ERICH1: variants seen among roughly 807,000 people sequenced by gnomAD.
ERICH1 encodes glutamate rich 1.
Under a neutral mutation model 39.6 loss-of-function variants are expected in ERICH1, and 56 were observed. That is an observed-to-expected ratio of 1.41 (90% CI 1.14 to 1.77). ERICH1 has a LOEUF of 1.77. ERICH1 is among the 40% of genes most tolerant of loss of function. The pLI is 0.00. For synonymous variants in ERICH1, 313 were observed against 223.6 expected (o/e 1.40, Z -3.57); for missense variants, 826 against 575.4 (o/e 1.44, Z -4.45).
Position 700,461 on chromosome 8 carries a change from G to C in ERICH1, c.170-7849C>G, listed in dbSNP as rs1312671651. ...CCCTCACAGGCCACAGACCCGCACA[G>C]GCGCACAGACCCGCACAGGCGCACA... On this transcript the variant is annotated intron_variant, in intron 2 of 5. Transcript: ENST00000262109. 1.5e-3 allele frequency among the ~76,000 whole-genome samples: 61 copies of C among 39,516 alleles called. 9 individuals are homozygous for C. The highest frequency in any genetic ancestry group is 2.4e-3 in the South Asian group (3 of 1,236). 25.9% of individuals were successfully genotyped at this position (39,516 alleles called of 152,430 possible).
intron 1 of ERICH1, among the ~76,000 whole-genome samples, chr8:722,925 T>C (rs959150747): frequency 3.3e-5 from 5 of 152,212 alleles, no homozygotes; most frequent in Admixed American, 6.5e-5. Flanking sequence ...GACTTTACAA[T>C]GTAAAGCCAC....
intron 1 of ERICH1, among the ~76,000 whole-genome samples, chr8:721,860 G>C (rs575658646): frequency 3.9e-5 from 6 of 152,286 alleles, no homozygotes; most frequent in East Asian, 1.9e-4. Context: ...TTTTACCTAA[G>C]TGTGTGTACG....
At chr8:680,959 G>A (rs75394517) in intron 3 of ERICH1, among the ~76,000 whole-genome samples, 2,734 of 152,318 alleles carry the variant, frequency 0.018, 30 homozygotes, top group Middle Eastern at 0.034. Context: ...TGGTGGTGAC[G>A]GACACATTCA....
chr8:628,378 C>T (rs1797722461), intron 3 of ERICH1, among the ~76,000 whole-genome samples: 1 of 152,196 alleles, frequency 6.6e-6, no homozygotes, highest in Non-Finnish European at 1.5e-5. Context: ...AACTTTTGGC[C>T]TCTTGAGAGT....
At chr8:673,020 G>A (rs1313665364) in intron 4 of ERICH1, among the ~76,000 whole-genome samples, 1 of 152,248 alleles carries the variant, frequency 6.6e-6, no homozygotes, top group Non-Finnish European at 1.5e-5. Context: ...TGGCACAGCT[G>A]GCCAGGGCCA....
chr8:704,818 G>T (rs551323149), intron 2 of ERICH1, among the ~76,000 whole-genome samples: 15 of 152,272 alleles, frequency 9.9e-5, no homozygotes, highest in Middle Eastern at 6.8e-3. Flanking sequence ...ACTCTGAAAG[G>T]GGGGGTGGTT....
chr8:665,106 C>G (rs1369207268), intron 5 of ERICH1, among the ~76,000 whole-genome samples: 1 of 152,222 alleles, frequency 6.6e-6, no homozygotes, highest in Non-Finnish European at 1.5e-5. Context: ...AACACAGGAC[C>G]ATGTGGTGCC....
intron 3 of ERICH1, among the ~76,000 whole-genome samples, chr8:687,412 C>T (rs1423223859): frequency 6.6e-6 from 1 of 152,258 alleles, no homozygotes; most frequent in Non-Finnish European, 1.5e-5. Flanking sequence ...AAAAAGCCGG[C>T]AACGCTCACG....
chr8:711,811 G>A (rs562766467), intron 2 of ERICH1, among the ~76,000 whole-genome samples: 30 of 152,242 alleles, frequency 2.0e-4, no homozygotes, highest in African/African-American at 7.2e-4. Context: ...TCCATTTTTA[G>A]TAAGATTTTT....
At chr8:641,235 T>C (rs150045042) in intron 3 of ERICH1, 155 of 152,316 alleles carry the variant, frequency 1.0e-3, no homozygotes, top group African/African-American at 3.7e-3. Flanking sequence ...TTTACAAATT[T>C]CCTTAATTCT....
chr8:673,883 T>C lies in ERICH1; in HGVS notation c.469A>G (p.Ile157Val), dbSNP rs376661771. ...AGTTTCCTTTTTTTATTTTTGCTTA[T>C]TGTGGTGCCATCTGTGTGCTGTCGC... ...SQRQHTDGTTISKNKKRKLKK... is the reference protein window; with the variant it reads ...SQRQHTDGTTVSKNKKRKLKK... The change falls in exon 4 of 6, where the codon ATA becomes GTA. Residue 157 changes from isoleucine (I) to valine (V), a missense_variant. Transcript: ENST00000262109. The C allele has an allele frequency of 8.7e-6, 14 of 1,613,560 alleles. No homozygotes were observed. In the Middle Eastern group the frequency reaches 4.9e-4, roughly 57 times the overall value.
chr8:700,577 G>A, intron 2 of ERICH1, among the ~76,000 whole-genome samples: 1 of 127,006 alleles, frequency 7.9e-6, no homozygotes, highest in African/African-American at 2.7e-5. Context: ...CAGGCGCACA[G>A]ACCCGCACAC....
chr8:682,539 G>A (rs1806365794), intron 3 of ERICH1, among the ~76,000 whole-genome samples: 2 of 152,184 alleles, frequency 1.3e-5, no homozygotes, highest in Non-Finnish European at 2.9e-5. Flanking sequence ...AGGGCATGTG[G>A]GAGGTCTACG....
At chr8:620,782 A>G (rs1255338082) in intron 3 of ERICH1, among the ~76,000 whole-genome samples, 1 of 152,182 alleles carries the variant, frequency 6.6e-6, no homozygotes, top group Admixed American at 6.5e-5. Context: ...CAAAATATAT[A>G]AAGCAAACTG....
chr8:698,364 G>A (rs560877670), intron 2 of ERICH1, among the ~76,000 whole-genome samples: 2 of 152,088 alleles, frequency 1.3e-5, no homozygotes, highest in African/African-American at 4.8e-5. Flanking sequence ...GACTACAGGT[G>A]TGCACCACCA....
Position 618,661 on chromosome 8 carries a change from G to A in ERICH1, c.977-3377C>T, listed in dbSNP as rs146780047. Among the ~76,000 whole-genome samples, 259 of 152,296 alleles carry A rather than the reference G, an allele frequency of 1.7e-3. 1 individual carries two copies. The highest frequency in any genetic ancestry group is 4.4e-3 in the Admixed American group (68 of 15,300). On this transcript the variant is annotated intron_variant, in intron 3 of 3. Transcript: ENST00000522706. ...GACTGAAACCTCTTTCCAGGCTGTG[G>A]TTGAGACTAACTGCGTTATCACACA...
At chr8:622,877 G>A (rs1797369630) in intron 3 of ERICH1, among the ~76,000 whole-genome samples, 1 of 152,022 alleles carries the variant, frequency 6.6e-6, no homozygotes. Context: ...AGGATTGCTT[G>A]AGCCCAGGAA....
intron 4 of ERICH1, 45 bp downstream of exon 4, chr8:673,244 T>A (rs764441699): frequency 6.5e-7 from 1 of 1,532,612 alleles, no homozygotes; most frequent in Non-Finnish European, 8.8e-7. Context: ...TAATAAACTT[T>A]TAAGTGGATG....
chr8:718,996 G>C (rs902001513), intron 1 of ERICH1, among the ~76,000 whole-genome samples: 2 of 152,190 alleles, frequency 1.3e-5, no homozygotes, highest in Non-Finnish European at 2.9e-5. Context: ...TGTGCGGTTT[G>C]TCAGTGCACA....
Sources: gnomAD v4.1 joint callset for allele counts (sites outside exome capture counted in the v4.1 genomes callset) on GRCh38, gnomAD v4.1.1 for gene constraint, MANE v1.5 for transcripts, NCBI Gene and HGNC (gene_info 2026-07-23, HGNC 2026-07-21) for gene names.